ITGA2B: variants seen among roughly 807,000 people sequenced by gnomAD.
The protein encoded by ITGA2B is integrin alpha-IIb.
Under a neutral mutation model 142.0 loss-of-function variants are expected in ITGA2B, and 91 were observed. The ratio of observed to expected loss-of-function variants is 0.64; its 90% CI spans 0.54 to 0.76. The LOEUF (loss-of-function observed/expected upper bound fraction) is 0.76, where lower values mean the gene tolerates loss of function less well. ITGA2B is among the 30% of genes least tolerant of loss of function. ITGA2B has a pLI of 0.00. For missense variants in ITGA2B, 1,231 were observed against 1,350.8 expected (o/e 0.91, Z 1.39); for synonymous variants, 536 against 567.2 (o/e 0.94, Z 0.78).
chr17:44,380,268 C>T lies in ITGA2B; in HGVS notation c.1578G>A (p.Gly526=). The change falls in exon 16 of 30, where the codon GGG becomes GGA. Residue 526 remains glycine (G), a synonymous_variant. Coordinates refer to ENST00000262407, the MANE Select transcript of ITGA2B (RefSeq NM_000419.5). The part of the protein sequence containing the change: ...FNIQMCVGAT[G]HNIPQKLSLN... ...CACATAGCTTCTGAGGAATGTTGTG[C>T]CCAGTGGCTCCAACACACATCTGGA... is the stretch of plus-strand genomic sequence containing the variant. 1.2e-6 allele frequency: 2 copies of T among 1,614,192 alleles called. No individual in the cohort carries two copies. The highest frequency in any genetic ancestry group is 1.1e-5 in the South Asian group (1 of 91,092).
Position 44,376,398 on chromosome 17 carries a change from A to C in ITGA2B, c.2268-10T>G. The C allele has an allele frequency of 6.2e-7, 1 of 1,613,820 alleles. No homozygotes were observed. The highest frequency in any genetic ancestry group is 8.5e-7 in the Non-Finnish European group (1 of 1,179,920). On this transcript the variant is annotated splice_polypyrimidine_tract_variant and intron_variant, in intron 22 of 29. Transcript: ENST00000262407. ...ATTCTGGCTGTTCTTGCTAGAGGGGAGGGGATGAGGAGAAACAGGGCCAGG... is the reference window on the plus strand; with the variant it reads ...ATTCTGGCTGTTCTTGCTAGAGGGGCGGGGATGAGGAGAAACAGGGCCAGG...
At chr17:44,376,962 T>A in intron 22 of ITGA2B, 47 bp downstream of exon 22, 2 of 1,478,950 alleles carry the variant, frequency 1.4e-6, no homozygotes, top group Non-Finnish European at 1.8e-6. Flanking sequence ...TGCACGGGGG[T>A]CAGACGGGGG....
In ITGA2B at chr17:44,372,214, G is replaced by C. The variant is rs77992265; in HGVS notation, c.*150C>G. ...CAGTCTCTTTATTAGGCAGCAGGAGGGGGGGTAGCCCAGCTCTGTTGGGAG... is the reference window on the plus strand; with the variant it reads ...CAGTCTCTTTATTAGGCAGCAGGAGCGGGGGTAGCCCAGCTCTGTTGGGAG... On this transcript the variant is annotated 3_prime_UTR_variant, in exon 30 of 30. Transcript: ENST00000262407. 9.4e-5 allele frequency: 69 copies of C among 734,918 alleles called. 1 individual carries two copies. The highest frequency in any genetic ancestry group is 3.4e-4 in the Middle Eastern group (1 of 2,960). 45.5% of individuals were successfully genotyped at this position (734,918 alleles called of 1,614,324 possible). A position where few individuals can be genotyped will look rare whatever the true frequency, so the allele number is the denominator to read the frequency against.
At position 44,380,080 on chromosome 17, in the gene ITGA2B, T is replaced by C; in HGVS notation, c.1674A>G (p.Gln558=). 1 of 1,614,034 alleles carries C rather than the reference T, an allele frequency of 6.2e-7. No homozygotes were observed. ...CCAGGTTCAGGGTGGTGCCTGCCTG[T>C]TGAGAGCCCAGCAGCAGCACCCGCC... ...QGRRVLLLGS[Q]QAGTTLNLDL... Residue 558 remains glutamine (Q), a synonymous_variant, in exon 17 of 30, where the codon CAA becomes CAG. Coordinates refer to ENST00000262407, the MANE Select transcript of ITGA2B (RefSeq NM_000419.5).
At chr17:44,380,567 C>T (rs200035051) in intron 14 of ITGA2B, 33 bp downstream of exon 14, 238 of 1,614,190 alleles carry the variant, frequency 1.5e-4, no homozygotes, top group Middle Eastern at 4.9e-4. Flanking sequence ...GGCACAGGAC[C>T]TTCCCCATCC....
At chr17:44,380,328 G>A in intron 15 of ITGA2B, 27 bp from the exon 16 acceptor site, 1 of 1,614,178 alleles carries the variant, frequency 6.2e-7, no homozygotes, top group Non-Finnish European at 8.5e-7. Context: ...GGGGCTCAGG[G>A]GTTGGAGCCT....
intron 1 of ITGA2B, 101 bp from the exon 2 acceptor site, chr17:44,386,232 G>T: frequency 4.6e-6 from 7 of 1,508,960 alleles, no homozygotes; most frequent in Non-Finnish European, 6.2e-6. Flanking sequence ...TGGCATGGGG[G>T]CACTGGACCA....
Position 44,375,627 on chromosome 17 carries a change from G to A in ITGA2B, c.2691C>T (p.Pro897=), listed in dbSNP as rs756317124. 6.8e-6 allele frequency: 11 copies of A among 1,613,848 alleles called. No homozygotes were observed. Among genetic ancestry groups the A allele is most frequent in the South Asian group, 1.1e-5 (1 of 90,942 alleles). Residue 897 remains proline (P), a synonymous_variant, in exon 26 of 30, where the codon CCC becomes CCT. Transcript: ENST00000262407. ...RDRRQIFLPE[P]EQPSRLQDPV... ...GATCCTGAAGCCTCGAGGGCTGCTCGGGCTCTGGCAGGAAGATCTGTCTGC... is the reference window on the plus strand; with the variant it reads ...GATCCTGAAGCCTCGAGGGCTGCTCAGGCTCTGGCAGGAAGATCTGTCTGC...
chr17:44,375,583 C>G lies in ITGA2B; in HGVS notation c.2727+8G>C, dbSNP rs760395255. 10 of 1,613,750 alleles carry G rather than the reference C, an allele frequency of 6.2e-6. No homozygotes were observed. Among genetic ancestry groups the G allele is most frequent in the Non-Finnish European group, 8.5e-6 (10 of 1,179,862 alleles). On this transcript the variant is annotated splice_region_variant and intron_variant, in intron 26 of 29. Transcript: ENST00000262407. Reference sequence around the variant, plus strand: ...GAGGCCGGGCCAGAGACCAGAGAGCCTGCTCACTACGAGAACTGGATCCTG... The same window carrying G: ...GAGGCCGGGCCAGAGACCAGAGAGCGTGCTCACTACGAGAACTGGATCCTG...
At position 44,378,716 on chromosome 17, in the gene ITGA2B, G is replaced by T. The variant is rs1190680842; in HGVS notation, c.1879-6C>A. On this transcript the variant is annotated splice_polypyrimidine_tract_variant and splice_region_variant and intron_variant, in intron 18 of 29. Transcript: ENST00000262407. ...CAGTCCAGGACGATTCGTGTCTAGA[G>T]GGGCACATTGGGGTGTGCGGGTAAG... 6.4e-7 allele frequency: 1 copy of T among 1,554,180 alleles called. No individual in the cohort carries two copies. The highest frequency in any genetic ancestry group is 1.2e-5 in the South Asian group (1 of 84,180).
At chr17:44,376,419 C>G (rs756723560) in intron 22 of ITGA2B, 31 bp from the exon 23 acceptor site, 1 of 1,605,168 alleles carries the variant, frequency 6.2e-7, no homozygotes, top group East Asian at 2.2e-5. Context: ...AGAAACAGGG[C>G]CAGGGACACC....
chr17:44,384,074 C>G lies in ITGA2B; in HGVS notation c.945+11G>C. ...TCCACCCAGCCACGCCCACTGGGAC[C>G]TGGCCCCCACCTGCTCTCCGCGCAG... On this transcript the variant is annotated intron_variant, in intron 10 of 29. Transcript: ENST00000262407. 1 of 1,613,802 alleles carries G rather than the reference C, an allele frequency of 6.2e-7. No individual in the cohort carries two copies. Among genetic ancestry groups the G allele is most frequent in the Non-Finnish European group, 8.5e-7 (1 of 1,179,910 alleles).
rs769154652 is a variant in ITGA2B at position 44,385,017 on chromosome 17, A to G, written c.730T>C (p.Leu244=). Residue 244 remains leucine (L), a synonymous_variant, in exon 7 of 30, where the codon TTG becomes CTG. Transcript: ENST00000262407. ...IFSSYRPGIL[L]WHVSSQSLSF... ...AGGCTCTGGGAGGACACGTGCCACA[A>G]AAGGATGCCTGGGCGGTAACTCGAG... The G allele has an allele frequency of 3.2e-5, 52 of 1,614,106 alleles. No individual in the cohort carries two copies. The South Asian group carries it at 5.1e-4, about 16-fold the overall frequency.
At chr17:44,388,817 TC>T (rs1057275337) in intron 1 of ITGA2B, among the ~76,000 whole-genome samples, 5 of 141,034 alleles carry the variant, frequency 3.5e-5, no homozygotes, top group South Asian at 2.2e-4. Context: ...GTGCCTGGTC[TC>T]TTTTTTTTTT....
rs1896998261 is a variant in ITGA2B at position 44,376,177 on chromosome 17, A to G, written c.2356T>C (p.Phe786Leu). The G allele has an allele frequency of 1.9e-6, 3 of 1,614,012 alleles. No individual in the cohort carries two copies. The highest frequency in any genetic ancestry group is 1.7e-5 in the Admixed American group (1 of 59,994). Residue 786 changes from phenylalanine (F) to leucine (L), a missense_variant, in exon 24 of 30, where the codon TTT becomes CTT. Coordinates refer to ENST00000262407, the MANE Select transcript of ITGA2B (RefSeq NM_000419.5). ...GCTGCCACCACCAGGGAGGCTGGAA[A>G]GGAGTTCCTGCAGGTGCCCAAGACC... Reference protein sequence around the residue: ...EAQVELRGNSFPASLVVAAEE... With the variant: ...EAQVELRGNSLPASLVVAAEE...
In ITGA2B at chr17:44,377,674, G is replaced by A. The variant is rs200162581; in HGVS notation, c.2187+24C>T. 89 of 1,587,390 alleles carry A rather than the reference G, an allele frequency of 5.6e-5. No homozygotes were observed. The East Asian group carries it at 1.2e-3, about 22-fold the overall frequency. On this transcript the variant is annotated intron_variant, in intron 21 of 29. Coordinates refer to ENST00000262407, the MANE Select transcript of ITGA2B (RefSeq NM_000419.5). The stretch of plus-strand genomic sequence containing the variant: ...ATTCATGAGCCCCTGGTGGAGACCC[G>A]GTACCACGACCCAGCAGCCTCACCT...
At chr17:44,381,960 A>T (rs758946903) in intron 12 of ITGA2B, among the ~76,000 whole-genome samples, 1 of 151,910 alleles carries the variant, frequency 6.6e-6, no homozygotes, top group Non-Finnish European at 1.5e-5. Flanking sequence ...TCTCCATTCC[A>T]TCAAACTCCC....
Position 44,384,684 on chromosome 17 carries a change from T to G in ITGA2B, c.800-99A>C, listed in dbSNP as rs576365140. Reference sequence around the variant, plus strand: ...GATTAAGGCCACTCAGCCCCAGCCCTGCATTGTGCAGATGGAAAAACGGAG... The same window carrying G: ...GATTAAGGCCACTCAGCCCCAGCCCGGCATTGTGCAGATGGAAAAACGGAG... On this transcript the variant is annotated intron_variant, in intron 7 of 29. Coordinates refer to ENST00000262407, the MANE Select transcript of ITGA2B (RefSeq NM_000419.5). 5.6e-6 allele frequency: 8 copies of G among 1,432,342 alleles called. No homozygotes were observed. The East Asian group carries it at 1.8e-4, about 33-fold the overall frequency. The allele number at this position is 1,432,342 out of a possible 1,614,324, so 88.7% of individuals were successfully genotyped here. A position where few individuals can be genotyped will look rare whatever the true frequency, so the allele number is the denominator to read the frequency against.
intron 29 of ITGA2B, among the ~76,000 whole-genome samples, chr17:44,373,067 T>C (rs2048510652): frequency 6.6e-6 from 1 of 152,198 alleles, no homozygotes. Context: ...AAAACTTTTT[T>C]GTAGAGATGG....
Sources: gnomAD v4.1 joint callset for allele counts (sites outside exome capture counted in the v4.1 genomes callset) on GRCh38, gnomAD v4.1.1 for gene constraint, MANE v1.5 for transcripts, NCBI Gene and HGNC (gene_info 2026-07-23, HGNC 2026-07-21) for gene names.